The following ZNF512 variants were observed in gnomAD, a reference collection of about 807,000 sequenced individuals.
ZNF512 encodes zinc finger protein 512.
ZNF512 carries 25 observed loss-of-function variants against 77.5 expected under a neutral mutation model. The ratio of observed to expected loss-of-function variants is 0.32; its 90% CI spans 0.23 to 0.45. ZNF512 has a LOEUF of 0.45. Among genes scored for constraint, ZNF512 ranks in the 20% least tolerant of loss-of-function variants. The pLI is 1.00. For synonymous variants in ZNF512, 246 were observed against 239.9 expected, an observed-to-expected ratio of 1.03 and a Z score of -0.24; for missense variants, 483 against 692.6, an observed-to-expected ratio of 0.70 and a Z score of 3.40.
chr2:27,595,774 T>C (rs1442119003), intron 2 of ZNF512, among the ~76,000 whole-genome samples: 1 of 152,232 alleles, frequency 6.6e-6, no homozygotes, highest in African/African-American at 2.4e-5. Flanking sequence ...TTTTATGGTT[T>C]CTTTTTCTGC....
chr2:27,598,901 A>C (rs1378649432), intron 3 of ZNF512, among the ~76,000 whole-genome samples: 1 of 151,722 alleles, frequency 6.6e-6, no homozygotes, highest in Non-Finnish European at 1.5e-5. Context: ...ACTCGAGCTC[A>C]GGCTCACCGC....
intron 2 of ZNF512, among the ~76,000 whole-genome samples, chr2:27,595,091 T>G (rs1671797006): frequency 6.6e-6 from 1 of 151,994 alleles, no homozygotes; most frequent in South Asian, 2.1e-4. Flanking sequence ...ATCACGGCAG[T>G]ATGGTCCAGC....
chr2:27,592,903 G>A (rs1446874615), intron 2 of ZNF512, among the ~76,000 whole-genome samples: 2 of 141,060 alleles, frequency 1.4e-5, no homozygotes, highest in South Asian at 2.3e-4. Flanking sequence ...CAAGCTGGTC[G>A]TGAACTCCTG....
At chr2:27,611,986 G>A (rs1190036488) in intron 10 of ZNF512, among the ~76,000 whole-genome samples, 4 of 151,986 alleles carry the variant, frequency 2.6e-5, no homozygotes, top group Admixed American at 6.6e-5. Context: ...GTGCGTGGCC[G>A]CCTGTAACAG....
At chr2:27,610,528 G>GTA (rs1200954341) in intron 10 of ZNF512, among the ~76,000 whole-genome samples, 2 of 96,550 alleles carry the variant, frequency 2.1e-5, no homozygotes, top group Admixed American at 1.4e-4. Context: ...ATATGTGTGT[G>GTA]TATATATATG....
chr2:27,604,836 T>TC (rs897435074), intron 9 of ZNF512, among the ~76,000 whole-genome samples: 4 of 152,156 alleles, frequency 2.6e-5, no homozygotes, highest in African/African-American at 7.2e-5. Flanking sequence ...TTGACTTGTG[T>TC]CCCTTTAGTC....
chr2:27,591,900 A>T (rs1671603107), intron 2 of ZNF512, among the ~76,000 whole-genome samples: 1 of 152,248 alleles, frequency 6.6e-6, no homozygotes, highest in African/African-American at 2.4e-5. Context: ...ACCCATGGTC[A>T]TTTAAATCAT....
intron 2 of ZNF512, among the ~76,000 whole-genome samples, chr2:27,589,706 T>C (rs184729506): frequency 6.6e-6 from 1 of 152,326 alleles, no homozygotes; most frequent in East Asian, 1.9e-4. Context: ...AGTTTCTAAG[T>C]ATTGCTTTAG....
intron 3 of ZNF512, among the ~76,000 whole-genome samples, chr2:27,599,054 T>C (rs928036377): frequency 2.0e-5 from 3 of 152,344 alleles, no homozygotes; most frequent in South Asian, 2.1e-4. Context: ...TTGGTCAGGC[T>C]GGTCTTGAAC....
intron 6 of ZNF512, among the ~76,000 whole-genome samples, chr2:27,601,078 T>C (rs10187891): frequency 6.6e-6 from 1 of 152,218 alleles, no homozygotes; most frequent in South Asian, 2.1e-4. Flanking sequence ...AAAAACCTTA[T>C]GTAGTCCATG....
chr2:27,619,840 T>C (rs1429381553), intron 13 of ZNF512, among the ~76,000 whole-genome samples: 2 of 152,178 alleles, frequency 1.3e-5, no homozygotes, highest in African/African-American at 2.4e-5. Context: ...TCAATATATA[T>C]CTGTAAGAGA....
intron 2 of ZNF512, among the ~76,000 whole-genome samples, chr2:27,588,416 A>G (rs944639968): frequency 1.3e-5 from 2 of 152,028 alleles, no homozygotes; most frequent in African/African-American, 4.8e-5. Context: ...TATAGGTTTT[A>G]TATTTAGGTC....
In ZNF512 at chr2:27,621,439, A is replaced by T. The variant is rs1673120227; in HGVS notation, c.1682A>T (p.Asn561Ile). ...QFQKVKPPKTNHKRGRK is the reference protein window; with the variant it reads ...QFQKVKPPKTIHKRGRK ...CAGAAAGTAAAGCCCCCAAAGACTA[A>T]TCATAAACGAGGAAGGAAATAGGCA... is the stretch of plus-strand genomic sequence containing the variant. Residue 561 changes from asparagine (N) to isoleucine (I), a missense_variant, in exon 14 of 14, where the codon AAT (asparagine) becomes ATT (isoleucine). By Grantham distance (149) the Asn-to-Ile change is moderately radical (BLOSUM62 -3). Around this residue, in one of 2 missense-constraint regions of ZNF512, gnomAD observed 324 missense variants for 525.0 expected, o/e 0.62. Coordinates refer to ENST00000355467, the MANE Select transcript of ZNF512 (RefSeq NM_032434.4). 6.2e-7 allele frequency: 1 copy of T among 1,611,280 alleles called. No homozygotes were observed. Among genetic ancestry groups the T allele is most frequent in the Admixed American group, 1.7e-5 (1 of 59,858 alleles).
intron 8 of ZNF512, among the ~76,000 whole-genome samples, chr2:27,602,856 G>C (rs1477111491): frequency 6.6e-6 from 1 of 152,026 alleles, no homozygotes; most frequent in Non-Finnish European, 1.5e-5. Context: ...TTTGATATTG[G>C]GATGGGGTTG....
rs985262973 is a variant in ZNF512, at chr2:27,617,147, G to A, written c.1297-326G>A. 9 of 212,436 alleles carry A rather than the reference G, an allele frequency of 4.2e-5. No homozygotes were observed. The Admixed American group carries it at 4.7e-4, about 11-fold the overall frequency. The allele number at this position is 212,436 out of a possible 1,614,324, so 13.2% of individuals were successfully genotyped here. A position where few individuals can be genotyped will look rare whatever the true frequency, so the allele number is the denominator to read the frequency against. ...ATTTTGGGCATTTGATCATTTTGGGGGAGGAACCAAGACAACCTGGAAGTG... is the reference window on the plus strand; with the variant it reads ...ATTTTGGGCATTTGATCATTTTGGGAGAGGAACCAAGACAACCTGGAAGTG... On this transcript the variant is annotated intron_variant, in intron 12 of 13. Transcript: ENST00000355467.
intron 11 of ZNF512, 40 bp from the exon 12 acceptor site, chr2:27,616,222 T>C (rs372496256): frequency 2.7e-5 from 40 of 1,489,600 alleles, no homozygotes; most frequent in Non-Finnish European, 3.6e-5. Flanking sequence ...AGAAGGGAGC[T>C]ATTTGGCATA....
chr2:27,607,474 T>G (rs1467130542), intron 9 of ZNF512, among the ~76,000 whole-genome samples: 2 of 152,064 alleles, frequency 1.3e-5, no homozygotes, highest in East Asian at 3.9e-4. Context: ...TTCAAGCGAT[T>G]CTTCTGTCTC....
intron 10 of ZNF512, among the ~76,000 whole-genome samples, chr2:27,609,869 CAA>C (rs34097136): frequency 2.8e-4 from 37 of 131,194 alleles, no homozygotes; most frequent in East Asian, 4.4e-4. Flanking sequence ...AAATCTGTCT[CAA>C]AAAAAAAAAA....
In ZNF512 at chr2:27,623,087, C is replaced by T. The variant is rs1159275854; in HGVS notation, c.*1626C>T. On this transcript the variant is annotated 3_prime_UTR_variant, in exon 14 of 14. Transcript: ENST00000355467. ...GCAATGACAAAAGAAATAAATGACT[C>T]TCAGAAAGATGTTTCCAGTGTTCTT... The T allele has an allele frequency of 2.0e-5, 3 of 152,684 alleles. No individual in the cohort carries two copies. Among genetic ancestry groups the T allele is most frequent in the Non-Finnish European group, 4.4e-5 (3 of 68,064 alleles). The allele number at this position is 152,684 out of a possible 1,614,324, so 9.5% of individuals were successfully genotyped here. A position where few individuals can be genotyped will look rare whatever the true frequency, so the allele number is the denominator to read the frequency against.
Sources: gnomAD v4.1 joint callset for allele counts (sites outside exome capture counted in the v4.1 genomes callset) on GRCh38, gnomAD v4.1.1 for gene constraint, gnomAD v4.1.1 regional missense constraint, MANE v1.5 for transcripts, NCBI Gene and HGNC (gene_info 2026-07-23, HGNC 2026-07-21) for gene names.